Variants in TBC1D5 observed in about 807,000 individuals in gnomAD.
TBC1D5 encodes the protein TBC1 domain family member 5, also known as TBC1 domain family, member 5.
TBC1D5 carries 75 observed loss-of-function variants against 100.3 expected under a neutral mutation model. The observed-to-expected ratio is 0.75, with a 90% CI of 0.62 to 0.91. The LOEUF (loss-of-function observed/expected upper bound fraction) is 0.91, where lower values mean the gene tolerates loss of function less well. Among genes scored for constraint, TBC1D5 ranks in the 40% least tolerant of loss-of-function variants. The pLI is 0.00. For synonymous variants in TBC1D5, 323 were observed against 325.6 expected (o/e 0.99, Z 0.09); for missense variants, 910 against 942.4 (o/e 0.97, Z 0.45).
chr3:17,480,166 A>G (rs1197182152), intron 3 of TBC1D5, among the ~76,000 whole-genome samples: 3 of 152,210 alleles, frequency 2.0e-5, no homozygotes, highest in Admixed American at 6.5e-5. Flanking sequence ...CAGTCCCTTC[A>G]GGACTTCGGG....
chr3:17,710,959 A>G (rs1451213730), intron 1 of TBC1D5, among the ~76,000 whole-genome samples: 2 of 152,140 alleles, frequency 1.3e-5, no homozygotes, highest in African/African-American at 4.8e-5. Flanking sequence ...GGCCTCCCAA[A>G]GTGCTAGAAT....
chr3:17,283,316 G>A (rs2080811933), intron 15 of TBC1D5, among the ~76,000 whole-genome samples: 1 of 152,164 alleles, frequency 6.6e-6, no homozygotes, highest in Non-Finnish European at 1.5e-5. Context: ...CTCTCATAGA[G>A]CAGACACTGG....
chr3:17,271,063 T>C (rs1559525588), intron 15 of TBC1D5, among the ~76,000 whole-genome samples: 2 of 152,248 alleles, frequency 1.3e-5, no homozygotes, highest in Non-Finnish European at 1.5e-5. Context: ...TCTCCAGCTT[T>C]GTCCCTTTTG....
intron 2 of TBC1D5, among the ~76,000 whole-genome samples, chr3:17,596,949 G>A (rs1007859801): frequency 6.6e-6 from 1 of 152,132 alleles, no homozygotes; most frequent in Admixed American, 6.5e-5. Flanking sequence ...GGCACACTAA[G>A]TCAGGTCTGG....
At chr3:17,485,494 C>A (rs1264389604) in intron 3 of TBC1D5, among the ~76,000 whole-genome samples, 2 of 123,720 alleles carry the variant, frequency 1.6e-5, no homozygotes, top group African/African-American at 6.0e-5. Context: ...ATCCCCCCTC[C>A]CCCCACCCCA....
At chr3:17,564,055 T>G (rs1302040050) in intron 2 of TBC1D5, among the ~76,000 whole-genome samples, 1 of 152,240 alleles carries the variant, frequency 6.6e-6, no homozygotes, top group Admixed American at 6.5e-5. Flanking sequence ...GTGCTGGGAT[T>G]ACAGGCATGA....
At chr3:17,677,994 T>C (rs1239657496) in intron 1 of TBC1D5, among the ~76,000 whole-genome samples, 3 of 151,950 alleles carry the variant, frequency 2.0e-5, no homozygotes, top group East Asian at 1.9e-4. Context: ...CCGGGGCCTG[T>C]TGTGGGGTAG....
intron 1 of TBC1D5, among the ~76,000 whole-genome samples, chr3:17,681,184 G>A (rs945153779): frequency 6.6e-6 from 1 of 151,530 alleles, no homozygotes; most frequent in African/African-American, 2.4e-5. Context: ...ACTAACTGGA[G>A]GCAGAATACA....
intron 3 of TBC1D5, among the ~76,000 whole-genome samples, chr3:17,504,111 A>C (rs892618165): frequency 6.3e-4 from 6 of 9,480 alleles, no homozygotes; most frequent in Non-Finnish European, 1.1e-3. Flanking sequence ...CATACATTAC[A>C]ACTTAAGATA....
At chr3:17,722,088 A>G (rs948827068) in intron 1 of TBC1D5, among the ~76,000 whole-genome samples, 2 of 152,230 alleles carry the variant, frequency 1.3e-5, no homozygotes, top group African/African-American at 4.8e-5. Context: ...CATCAAATCA[A>G]CAGGTAAAGC....
At chr3:17,353,522 A>G (rs1419426909) in intron 13 of TBC1D5, among the ~76,000 whole-genome samples, 1 of 152,126 alleles carries the variant, frequency 6.6e-6, no homozygotes, top group African/African-American at 2.4e-5. Context: ...ATTATATTTC[A>G]ATGCATAACT....
chr3:17,545,493 A>C (rs2096405883), intron 2 of TBC1D5, among the ~76,000 whole-genome samples: 1 of 152,172 alleles, frequency 6.6e-6, no homozygotes, highest in Non-Finnish European at 1.5e-5. Context: ...AACCTTTCTT[A>C]TTTACTTTTC....
chr3:17,664,954 T>C (rs1420057983), intron 1 of TBC1D5: 1 of 146,960 alleles, frequency 6.8e-6, no homozygotes, highest in Non-Finnish European at 1.5e-5. Flanking sequence ...GAACTTATGT[T>C]ACTGAATCAA....
At chr3:17,603,096 T>C (rs1285705070) in intron 2 of TBC1D5, among the ~76,000 whole-genome samples, 1 of 151,700 alleles carries the variant, frequency 6.6e-6, no homozygotes, top group East Asian at 1.9e-4. Context: ...CTCCATCCTC[T>C]CTCCAAAGAA....
intron 1 of TBC1D5, among the ~76,000 whole-genome samples, chr3:17,653,107 G>T (rs2065736329): frequency 2.6e-5 from 4 of 152,134 alleles, no homozygotes; most frequent in South Asian, 2.1e-4. Context: ...CCACTTACAT[G>T]AAACATCCAG....
At chr3:17,233,492 G>A (rs955462006) in intron 17 of TBC1D5, among the ~76,000 whole-genome samples, 193 bp downstream of exon 18, 6 of 152,030 alleles carry the variant, frequency 3.9e-5, no homozygotes, top group Admixed American at 6.6e-5. Context: ...AGCCATATTC[G>A]GCATCACCAA....
chr3:17,676,640 G>C (rs1224957506), intron 1 of TBC1D5, among the ~76,000 whole-genome samples: 4 of 152,058 alleles, frequency 2.6e-5, no homozygotes, highest in African/African-American at 7.2e-5. Context: ...TCACAGAATT[G>C]GAAAAAACTA....
intron 16 of TBC1D5, among the ~76,000 whole-genome samples, chr3:17,244,638 T>C (rs527308920): frequency 6.6e-6 from 1 of 152,148 alleles, no homozygotes; most frequent in Non-Finnish European, 1.5e-5. Flanking sequence ...AAAAAATAAA[T>C]TGATGCCACT....
At chr3:17,330,817 T>G (rs2086776506) in intron 13 of TBC1D5, among the ~76,000 whole-genome samples, 1 of 152,160 alleles carries the variant, frequency 6.6e-6, no homozygotes, top group Non-Finnish European at 1.5e-5. Flanking sequence ...GGTGAAATCA[T>G]TTTATCCTCC....
Sources: gnomAD v4.1 joint callset for allele counts (sites outside exome capture counted in the v4.1 genomes callset) on GRCh38, gnomAD v4.1.1 for gene constraint, MANE v1.5 for transcripts, NCBI Gene and HGNC (gene_info 2026-07-23, HGNC 2026-07-21) for gene names.